The following EMILIN2 variants were observed in gnomAD, a reference collection of about 807,000 sequenced individuals.
EMILIN2 encodes the protein EMILIN-2.
Under a neutral mutation model 87.1 loss-of-function variants are expected in EMILIN2, and 71 were observed. The observed-to-expected ratio is 0.82, with a 90% CI of 0.67 to 0.99. The LOEUF is 0.99. EMILIN2 is among the 50% of genes least tolerant of loss of function. The pLI is 0.00. For missense variants in EMILIN2, 1,407 were observed against 1,371.8 expected (o/e 1.03, Z -0.40); for synonymous variants, 581 against 563.4 (o/e 1.03, Z -0.44).
At chr18:2,875,567 G>T (rs1239389018) in intron 2 of EMILIN2, among the ~76,000 whole-genome samples, 1 of 152,200 alleles carries the variant, frequency 6.6e-6, no homozygotes, top group Admixed American at 6.5e-5. Flanking sequence ...ATGCCAGTTA[G>T]CTAAGGCTCG....
intron 2 of EMILIN2, among the ~76,000 whole-genome samples, chr18:2,851,487 A>G (rs994926476): frequency 6.6e-6 from 1 of 152,128 alleles, no homozygotes. Flanking sequence ...TAAAGTAGCC[A>G]TAGAGAGAGT....
chr18:2,905,919 C>T (rs1386476221), intron 4 of EMILIN2, among the ~76,000 whole-genome samples: 1 of 152,114 alleles, frequency 6.6e-6, no homozygotes, highest in East Asian at 1.9e-4. Context: ...CCACCGCGCC[C>T]GGCCCGCTTA....
Position 2,904,007 on chromosome 18 carries a change from C to T in EMILIN2, c.2360-2776C>T, listed in dbSNP as rs77680414. On this transcript the variant is annotated intron_variant, in intron 4 of 7. Coordinates refer to ENST00000254528, the MANE Select transcript of EMILIN2 (RefSeq NM_032048.3). ...CCCAATACCTTTTTAAGAAAGGGTG[C>T]GTGAGAGATGGCATTTTATAATTTT... Among the ~76,000 whole-genome samples, 1,250 of 152,272 alleles carry T rather than the reference C, an allele frequency of 8.2e-3. 16 individuals are homozygous for T. The highest frequency in any genetic ancestry group is 0.028 in the African/African-American group (1,163 of 41,530).
upstream of EMILIN2, among the ~76,000 whole-genome samples, chr18:2,846,552 G>A (rs1264975730): frequency 6.6e-6 from 1 of 152,242 alleles, no homozygotes; most frequent in African/African-American, 2.4e-5. The surrounding 1 kb of genome is among the most constrained non-coding windows in gnomAD (Gnocchi z 5.3). Flanking sequence ...CTAGGTCCAT[G>A]GAGCTGGTGG....
intron 3 of EMILIN2, among the ~76,000 whole-genome samples, chr18:2,889,133 C>CTTTTCTTTTTTTTTTT (rs2076819032): frequency 2.4e-5 from 2 of 84,352 alleles, no homozygotes; most frequent in African/African-American, 9.9e-5. Flanking sequence ...TCTTTCTTTT[C>CTTTTCTTTTTTTTTTT]TTTTTTTTTT....
chr18:2,873,577 G>C (rs1052280790), intron 2 of EMILIN2, among the ~76,000 whole-genome samples: 2 of 150,704 alleles, frequency 1.3e-5, no homozygotes, highest in Non-Finnish European at 2.9e-5. Context: ...CGTGGTGGCG[G>C]GCGCCTGTAG....
chr18:2,893,894 T>C (rs1037371350), intron 4 of EMILIN2, among the ~76,000 whole-genome samples: 6 of 152,170 alleles, frequency 3.9e-5, no homozygotes, highest in Non-Finnish European at 7.3e-5. Context: ...AGTCCAGCCA[T>C]GATGACTGTG....
At chr18:2,902,498 C>T (rs924046473) in intron 4 of EMILIN2, among the ~76,000 whole-genome samples, 17 of 152,138 alleles carry the variant, frequency 1.1e-4, no homozygotes, top group Admixed American at 3.3e-4. Context: ...ACTGCGACTT[C>T]AGGAGTGGGT....
intron 2 of EMILIN2, among the ~76,000 whole-genome samples, chr18:2,864,794 T>C (rs955705969): frequency 2.6e-5 from 4 of 152,222 alleles, no homozygotes; most frequent in African/African-American, 9.6e-5. Flanking sequence ...TTCTCCTGGA[T>C]AATATCCTGC....
intron 2 of EMILIN2, among the ~76,000 whole-genome samples, chr18:2,871,827 A>C (rs2076721503): frequency 6.6e-6 from 1 of 152,208 alleles, no homozygotes; most frequent in Non-Finnish European, 1.5e-5. Flanking sequence ...AGGTAATCCA[A>C]GTTTTTAGTT....
chr18:2,871,034 T>C (rs1034840589), intron 2 of EMILIN2, among the ~76,000 whole-genome samples: 2 of 152,268 alleles, frequency 1.3e-5, no homozygotes, highest in Middle Eastern at 3.4e-3. Context: ...AATGACTTTG[T>C]TTTAACTTGT....
intron 2 of EMILIN2, among the ~76,000 whole-genome samples, chr18:2,868,660 GGGGCGCGCGCCTGCAATCGCAGGCACTC>G (rs2076702657): frequency 6.6e-6 from 1 of 152,264 alleles, no homozygotes. Context: ...GTCAGGCGTG[GGGGCGCGCGCCTGCAATCGCAGGCACTC>G]GGCAGGCTGA....
chr18:2,909,020 G>GTGGCCTCT (rs1428697522), intron 6 of EMILIN2, 45 bp downstream of exon 6: 2 of 1,610,406 alleles, frequency 1.2e-6, no homozygotes, highest in Non-Finnish European at 1.7e-6. Flanking sequence ...GGTCTCCTTG[G>GTGGCCTCT]TGGCCTCTGC....
chr18:2,849,791 C>T (rs959866443), intron 2 of EMILIN2, among the ~76,000 whole-genome samples: 8 of 152,164 alleles, frequency 5.3e-5, no homozygotes, highest in African/African-American at 1.7e-4. Flanking sequence ...AGTTGATGAA[C>T]CTGAAAATCT....
chr18:2,847,657 T>C lies in EMILIN2; in HGVS notation c.135-152T>C. Reference sequence around the variant, plus strand: ...TCTCCAGAGGCGCACCCGGGCACCCTCCGGCGTCTGCTCGGTGAAGCTCCC... The same window carrying C: ...TCTCCAGAGGCGCACCCGGGCACCCCCCGGCGTCTGCTCGGTGAAGCTCCC... On this transcript the variant is annotated intron_variant, in intron 1 of 7. Coordinates refer to ENST00000254528, the MANE Select transcript of EMILIN2 (RefSeq NM_032048.3). The surrounding 1 kb of genome is among the most constrained non-coding windows in gnomAD (Gnocchi z 4.5). 2 of 1,291,694 alleles carry C rather than the reference T, an allele frequency of 1.5e-6. No homozygotes were observed. Among genetic ancestry groups the C allele is most frequent in the South Asian group, 3.1e-5 (2 of 63,652 alleles). The allele number at this position is 1,291,694 out of a possible 1,614,324, so 80.0% of individuals were successfully genotyped here.
chr18:2,906,966 C>T lies in EMILIN2; in HGVS notation c.2543C>T (p.Thr848Met), dbSNP rs1159003404. 61 of 1,391,788 alleles carry T rather than the reference C, an allele frequency of 4.4e-5. No individual in the cohort carries two copies. The highest frequency in any genetic ancestry group is 5.6e-5 in the Non-Finnish European group (60 of 1,071,220). The allele number at this position is 1,391,788 out of a possible 1,614,324, so 86.2% of individuals were successfully genotyped here. A position where few individuals can be genotyped will look rare whatever the true frequency, so the allele number is the denominator to read the frequency against. ...GGCTCCACCGGGGTCATCGCGGAGA[C>T]GGGCCAGGCCGGGCCCCCCGCAGGC... ...PPGSTGVIAE[T>M]GQAGPPAGAG... is the part of the protein sequence containing the mutation. The change falls in exon 5 of 8, where the codon ACG becomes ATG. Residue 848 changes from threonine to methionine, a missense_variant. By Grantham distance (81) the Thr-to-Met change is moderately conservative (BLOSUM62 -1). Coordinates refer to ENST00000254528, the MANE Select transcript of EMILIN2 (RefSeq NM_032048.3).
At chr18:2,850,734 A>G (rs1466955979) in intron 2 of EMILIN2, among the ~76,000 whole-genome samples, 1 of 152,152 alleles carries the variant, frequency 6.6e-6, no homozygotes, top group Non-Finnish European at 1.5e-5. Flanking sequence ...ATAGAAACGC[A>G]TTTCTGCAGT....
chr18:2,909,633 C>T (rs1392959826), intron 6 of EMILIN2, 58 bp from the exon 7 acceptor site: 4 of 1,587,794 alleles, frequency 2.5e-6, no homozygotes, highest in Non-Finnish European at 3.4e-6. Context: ...TTTCCAGGCC[C>T]TCCCCCTGGA....
intron 2 of EMILIN2, among the ~76,000 whole-genome samples, chr18:2,856,677 C>T (rs1312558741): frequency 1.3e-5 from 2 of 152,194 alleles, no homozygotes; most frequent in Non-Finnish European, 2.9e-5. Context: ...TCTAGTCTCC[C>T]ACACAAATGT....
Sources: allele counts gnomAD v4.1 joint callset (sites outside exome capture counted in the v4.1 genomes callset), GRCh38; gene constraint gnomAD v4.1.1; non-coding constraint Gnocchi (gnomAD v3.1); transcripts MANE v1.5; gene names NCBI Gene and HGNC (gene_info 2026-07-23, HGNC 2026-07-21).